KCNB2: variants seen among roughly 807,000 people sequenced by gnomAD.
KCNB2 encodes the protein potassium voltage-gated channel subfamily B member 2.
KCNB2 carries 15 observed loss-of-function variants against 61.5 expected under a neutral mutation model. That is an observed-to-expected ratio of 0.24 (90% CI 0.16 to 0.38). KCNB2 has a LOEUF of 0.38. KCNB2 is among the 10% of genes least tolerant of loss of function. The pLI, the probability that KCNB2 is intolerant of heterozygous loss-of-function variation, is 1.00. For synonymous variants in KCNB2, 457 were observed against 446.0 expected (o/e 1.02, Z -0.31); for missense variants, 828 against 1,125.2 (o/e 0.74, Z 3.78).
chr8:72,869,832 A>G (rs1805588772), intron 2 of KCNB2, among the ~76,000 whole-genome samples: 1 of 152,204 alleles, frequency 6.6e-6, no homozygotes, highest in Non-Finnish European at 1.5e-5. Flanking sequence ...AGGCAACCCC[A>G]CTTCTGAGTT....
chr8:72,922,224 C>T (rs1007596727), intron 2 of KCNB2, among the ~76,000 whole-genome samples: 3 of 152,202 alleles, frequency 2.0e-5, no homozygotes, highest in African/African-American at 4.8e-5. Context: ...GTGGGCCTCT[C>T]TGTGTCTCTC....
Position 72,938,085 on chromosome 8 carries a change from C to A in KCNB2, c.2730C>A (p.Ser910Arg), listed in dbSNP as rs1239045721. Residue 910 changes from serine (S) to arginine (R), a missense_variant, in exon 3 of 3, where the codon AGC (serine) becomes AGA (arginine). Ser to Arg is a moderately radical substitution (Grantham distance 110). Around this residue, in one of 4 missense-constraint regions of KCNB2, gnomAD observed 559 missense variants for 588.4 expected, o/e 0.95. Transcript: ENST00000523207. ...GTTATTGTCCCACACGTGAAACCAG[C>A]ATGTGACTAGTTACAAAAGCAATAA... ...DTGYCPTRETSM is the reference protein window; with the variant it reads ...DTGYCPTRETRM The A allele has an allele frequency of 6.3e-7, 1 of 1,585,624 alleles. No homozygotes were observed. The highest frequency in any genetic ancestry group is 1.2e-5 in the South Asian group (1 of 86,404).
chr8:72,576,887 C>A (rs1407199473), intron 2 of KCNB2, among the ~76,000 whole-genome samples: 1 of 152,072 alleles, frequency 6.6e-6, no homozygotes, highest in Admixed American at 6.6e-5. Flanking sequence ...GAATGAGGAA[C>A]AGAGACATGT....
At chr8:72,762,868 A>G (rs1010540019) in intron 2 of KCNB2, among the ~76,000 whole-genome samples, 8 of 128,378 alleles carry the variant, frequency 6.2e-5, no homozygotes, top group Non-Finnish European at 9.6e-5. Flanking sequence ...AGCAAAAAGT[A>G]AATCATATTA....
At chr8:72,882,846 A>G (rs6998916) in intron 2 of KCNB2, among the ~76,000 whole-genome samples, 1 of 152,146 alleles carries the variant, frequency 6.6e-6, no homozygotes, top group African/African-American at 2.4e-5. Flanking sequence ...AAATCAGGAG[A>G]TTTCACATTT....
chr8:72,585,491 G>A (rs531302747), intron 2 of KCNB2, among the ~76,000 whole-genome samples: 2 of 152,290 alleles, frequency 1.3e-5, no homozygotes, highest in African/African-American at 4.8e-5. Flanking sequence ...GTGTTGCAAA[G>A]CATTAATCAC....
chr8:72,645,122 TG>T (rs1806109477), intron 2 of KCNB2, among the ~76,000 whole-genome samples: 1 of 152,168 alleles, frequency 6.6e-6, no homozygotes, highest in African/African-American at 2.4e-5. Context: ...AATGAGCACT[TG>T]GAAGAGCCCT....
At chr8:72,909,286 G>A (rs1165331285) in intron 2 of KCNB2, among the ~76,000 whole-genome samples, 1 of 152,154 alleles carries the variant, frequency 6.6e-6, no homozygotes, top group Non-Finnish European at 1.5e-5. Context: ...ACCCAATGAG[G>A]AGAGTTAATC....
intron 2 of KCNB2, among the ~76,000 whole-genome samples, chr8:72,841,443 A>C (rs1215141577): frequency 1.7e-5 from 2 of 114,664 alleles, no homozygotes; most frequent in African/African-American, 7.1e-5. Flanking sequence ...CATGAAATTT[A>C]AAGCAGTTTT....
intron 2 of KCNB2, among the ~76,000 whole-genome samples, chr8:72,829,257 T>C (rs1307865639): frequency 2.0e-5 from 3 of 152,196 alleles, no homozygotes; most frequent in African/African-American, 7.2e-5. Flanking sequence ...GTACATGAAA[T>C]ACTCCACATT....
rs7819016 is a variant in KCNB2, at chr8:72,579,636, C to T, written c.579+11323C>T. 6.9e-3 allele frequency among the ~76,000 whole-genome samples: 1,057 copies of T among 152,274 alleles called. 9 individuals carry two copies. Among genetic ancestry groups the T allele is most frequent in the African/African-American group, 0.024 (987 of 41,552 alleles). Reference sequence around the variant, plus strand: ...TTTACTTTCCGCTTTCTCGTAATAGCGTCACTATCCCCAGAGCCTTCTATT... The same window carrying T: ...TTTACTTTCCGCTTTCTCGTAATAGTGTCACTATCCCCAGAGCCTTCTATT... On this transcript the variant is annotated intron_variant, in intron 2 of 2. Transcript: ENST00000523207.
intron 2 of KCNB2, among the ~76,000 whole-genome samples, chr8:72,849,117 A>C (rs183933183): frequency 7.6e-6 from 1 of 130,794 alleles, no homozygotes; most frequent in Admixed American, 7.3e-5. Flanking sequence ...TCATTTTCTT[A>C]GCCACAAAAA....
At chr8:72,839,944 A>G (rs1259320126) in intron 2 of KCNB2, among the ~76,000 whole-genome samples, 1 of 150,550 alleles carries the variant, frequency 6.6e-6, no homozygotes, top group Non-Finnish European at 1.5e-5. Flanking sequence ...AAGTTCTGGG[A>G]TACATGTGCA....
intron 2 of KCNB2, among the ~76,000 whole-genome samples, chr8:72,620,340 G>A (rs769394494): frequency 6.6e-5 from 10 of 152,310 alleles, no homozygotes; most frequent in Non-Finnish European, 1.0e-4. Context: ...AGAAGAGGCC[G>A]TTTTATAGCA....
intron 2 of KCNB2, among the ~76,000 whole-genome samples, chr8:72,782,052 A>G (rs1012985488): frequency 5.9e-5 from 9 of 152,314 alleles, no homozygotes; most frequent in Middle Eastern, 3.4e-3. Context: ...GCAAACCACC[A>G]TGGCACACAT....
At chr8:72,881,849 C>T (rs1805712096) in intron 2 of KCNB2, 1 of 152,066 alleles carries the variant, frequency 6.6e-6, no homozygotes, top group African/African-American at 2.4e-5. Flanking sequence ...CCGTAGCATC[C>T]ACCTTCTGCT....
intron 2 of KCNB2, among the ~76,000 whole-genome samples, chr8:72,652,822 G>T (rs1585808460): frequency 6.6e-6 from 1 of 152,144 alleles, no homozygotes; most frequent in African/African-American, 2.4e-5. Context: ...TCCTAGGGCT[G>T]CCCTCACAAA....
At chr8:72,648,873 A>T (rs1013631273) in intron 2 of KCNB2, among the ~76,000 whole-genome samples, 2 of 152,168 alleles carry the variant, frequency 1.3e-5, no homozygotes, top group African/African-American at 4.8e-5. Flanking sequence ...ATACCTGAGG[A>T]TTAATAGACA....
chr8:72,617,466 C>A (rs114116031), intron 2 of KCNB2, among the ~76,000 whole-genome samples: 1,640 of 152,190 alleles, frequency 0.011, 18 homozygotes, highest in African/African-American at 0.037. Context: ...TCCAGAGAGA[C>A]CTGAAGAACT....
Sources: gnomAD v4.1 joint callset for allele counts (sites outside exome capture counted in the v4.1 genomes callset) on GRCh38, gnomAD v4.1.1 for gene constraint, gnomAD v4.1.1 regional missense constraint, MANE v1.5 for transcripts, NCBI Gene and HGNC (gene_info 2026-07-23, HGNC 2026-07-21) for gene names.